Variants in MDN1 observed in about 807,000 individuals in gnomAD.
MDN1 encodes the protein midasin.
In MDN1, 266 loss-of-function variants were observed where a neutral mutation model predicts 669.2. The ratio of observed to expected loss-of-function variants is 0.40; its 90% CI spans 0.36 to 0.44. The LOEUF is 0.44. Ranked by LOEUF, MDN1 falls within the 20% of genes least tolerant of loss-of-function variation. MDN1 has a pLI of 1.00. For missense variants in MDN1, 5,940 were observed against 6,754.0 expected (o/e 0.88, Z 4.22); for synonymous variants, 2,385 against 2,457.1 (o/e 0.97, Z 0.87).
intron 33 of MDN1, among the ~76,000 whole-genome samples, chr6:89,737,728 T>G (rs971181649): frequency 6.6e-6 from 1 of 150,598 alleles, no homozygotes; most frequent in African/African-American, 2.4e-5. Context: ...GCCTAATTTT[T>G]TTTTTTTTTT....
In MDN1 at chr6:89,725,318, A is replaced by C. The variant is rs747212667; in HGVS notation, c.5551T>G (p.Leu1851Val). The C allele has an allele frequency of 5.6e-6, 9 of 1,613,328 alleles. No homozygotes were observed. Among genetic ancestry groups the C allele is most frequent in the Non-Finnish European group, 7.6e-6 (9 of 1,179,818 alleles). ...DHRGEIYVPE[L>V]GMSFQVQHEK... Reference sequence around the variant, plus strand: ...TGCTGCACTTGAAAGCTCATTCCTAACTCAGGCACATAGATTTCTCCTCGG... The same window carrying C: ...TGCTGCACTTGAAAGCTCATTCCTACCTCAGGCACATAGATTTCTCCTCGG... The change falls in exon 38 of 102, where the codon TTA (leucine) becomes GTA (valine). Residue 1851 changes from leucine to valine, a missense_variant. Leu to Val is a conservative substitution (Grantham distance 32). Transcript: ENST00000369393.
intron 94 of MDN1, among the ~76,000 whole-genome samples, chr6:89,652,665 A>G (rs1421982048): frequency 6.6e-6 from 1 of 152,218 alleles, no homozygotes; most frequent in Non-Finnish European, 1.5e-5. Flanking sequence ...TTACTTAACC[A>G]TCACAAACCT....
intron 15 of MDN1, among the ~76,000 whole-genome samples, chr6:89,763,411 G>A (rs1817655053): frequency 1.3e-5 from 2 of 150,846 alleles, no homozygotes; most frequent in Non-Finnish European, 3.0e-5. Flanking sequence ...GTACTTCTTA[G>A]TATTTAGATT....
intron 53 of MDN1, among the ~76,000 whole-genome samples, chr6:89,703,022 G>A (rs1206320666): frequency 1.3e-5 from 2 of 150,298 alleles, no homozygotes; most frequent in African/African-American, 2.5e-5. Flanking sequence ...TGCAACCTCC[G>A]CTTCCCAGGT....
intron 9 of MDN1, among the ~76,000 whole-genome samples, chr6:89,784,800 G>A (rs1342500617): frequency 6.6e-6 from 1 of 152,114 alleles, no homozygotes; most frequent in East Asian, 1.9e-4. Flanking sequence ...ATATGAAAAT[G>A]CCATTAAATT....
chr6:89,755,882 T>A lies in MDN1; in HGVS notation c.2816+395A>T, dbSNP rs186663647. On this transcript the variant is annotated intron_variant, in intron 20 of 101. Coordinates refer to ENST00000369393, the MANE Select transcript of MDN1 (RefSeq NM_014611.3). ...TTAATTCCAAACCTGACACAATCAA[T>A]TATATTAACCCTTTTCTCCTTACAT... 2.2e-4 allele frequency among the ~76,000 whole-genome samples: 33 copies of A among 152,342 alleles called. No individual in the cohort carries two copies. In the East Asian group the frequency reaches 6.2e-3, roughly 28 times the overall value.
chr6:89,781,317 C>T lies in MDN1; in HGVS notation c.1643+82G>A, dbSNP rs1384568956. The T allele has an allele frequency of 2.8e-6, 4 of 1,434,824 alleles. No individual in the cohort carries two copies. In the South Asian group the frequency reaches 4.6e-5, roughly 17 times the overall value. The allele number at this position is 1,434,824 out of a possible 1,614,324, so 88.9% of individuals were successfully genotyped here. A position where few individuals can be genotyped will look rare whatever the true frequency, so the allele number is the denominator to read the frequency against. ...AGTGAGCCAAAACTGCACCACTGCA[C>T]TCCAGCCTGGGTAACAGAGCAGGAA... On this transcript the variant is annotated intron_variant, in intron 10 of 101. Transcript: ENST00000369393.
chr6:89,701,598 TTTA>T lies in MDN1; in HGVS notation c.8384_8386del (p.Ile2795del). ...TCGTCCCAGGAACTTCTGCAACTTC[TTTA>T]TACCAGCGAAGCCACCAGTCTGGCT... On this transcript the variant is annotated inframe_deletion, in exon 55 of 102. Coordinates refer to ENST00000369393, the MANE Select transcript of MDN1 (RefSeq NM_014611.3). The T allele has an allele frequency of 6.2e-7, 1 of 1,614,216 alleles. No homozygotes were observed. Among genetic ancestry groups the T allele is most frequent in the Non-Finnish European group, 8.5e-7 (1 of 1,180,030 alleles).
rs1180617865 is a variant in MDN1 at position 89,696,064 on chromosome 6, T to C, written c.9384-72A>G. The C allele has an allele frequency of 2.7e-6, 4 of 1,502,924 alleles. No individual in the cohort carries two copies. In the Admixed American group the frequency reaches 6.4e-5, roughly 24 times the overall value. 93.1% of individuals were successfully genotyped at this position (1,502,924 alleles called of 1,614,324 possible). On this transcript the variant is annotated intron_variant, in intron 60 of 101. Transcript: ENST00000369393. ...AAGCATTCCTTTTCATACAGTATAA[T>C]TCTCTCAAGAAATGATAACCACAGA...
At chr6:89,687,974 TC>T (rs1160247066) in intron 67 of MDN1, 103 bp downstream of exon 67, 1 of 1,058,954 alleles carries the variant, frequency 9.4e-7, no homozygotes, top group Non-Finnish European at 1.5e-6. Flanking sequence ...TTTACCTTTT[TC>T]TAGCCCAAAC....
chr6:89,812,275 C>T (rs926906193), intron 1 of MDN1, among the ~76,000 whole-genome samples: 15 of 151,918 alleles, frequency 9.9e-5, no homozygotes, highest in Admixed American at 3.9e-4. Flanking sequence ...TGAGCCACCG[C>T]GCCCAGCCAA....
intron 2 of MDN1, among the ~76,000 whole-genome samples, chr6:89,800,195 A>G (rs1403764625): frequency 1.3e-5 from 2 of 152,146 alleles, no homozygotes; most frequent in African/African-American, 4.8e-5. Context: ...TGGGAGGCCT[A>G]GGAGGGCAGA....
rs2128307406 is a variant in MDN1, at chr6:89,686,963, G to A, written c.11511C>T (p.His3837=). The A allele has an allele frequency of 3.1e-6, 5 of 1,613,970 alleles. No homozygotes were observed. The highest frequency in any genetic ancestry group is 4.2e-6 in the Non-Finnish European group (5 of 1,179,992). Residue 3837 remains histidine, a synonymous_variant, in exon 69 of 102, where the codon CAC becomes CAT. Transcript: ENST00000369393. Reference sequence around the variant, plus strand: ...CAAGCATCTGATAGATGGAGAACCAGTGCTTGGTGGATTTCTCGGTGTGGC... The same window carrying A: ...CAAGCATCTGATAGATGGAGAACCAATGCTTGGTGGATTTCTCGGTGTGGC... ...MKRHTEKSTK[H]WFSIYQMLEK...
intron 32 of MDN1, among the ~76,000 whole-genome samples, 178 bp from the exon 33 acceptor site, chr6:89,738,633 C>T (rs559244521): frequency 6.6e-6 from 1 of 152,284 alleles, no homozygotes; most frequent in South Asian, 2.1e-4. Flanking sequence ...TCCTTATATT[C>T]CATGACACCT....
intron 66 of MDN1, 45 bp from the exon 67 acceptor site, chr6:89,688,218 T>C (rs546189271): frequency 1.3e-6 from 2 of 1,537,722 alleles, no homozygotes; most frequent in Admixed American, 1.7e-5. Context: ...ATACCAGTGA[T>C]CCTAAGTCAC....
At chr6:89,680,818 A>G (rs1348973934) in intron 73 of MDN1, 67 bp from the exon 74 acceptor site, 1 of 1,534,966 alleles carries the variant, frequency 6.5e-7, no homozygotes, top group Non-Finnish European at 8.8e-7. Flanking sequence ...CAAGGGAACT[A>G]AATTTAACTG....
At chr6:89,701,438 T>C (rs1282806213) in intron 55 of MDN1, 120 bp downstream of exon 55, 3 of 1,332,186 alleles carry the variant, frequency 2.3e-6, no homozygotes, top group Non-Finnish European at 3.1e-6. Flanking sequence ...AAAGGAAAAC[T>C]GCAAGAGTTA....
At chr6:89,672,494 A>C in intron 81 of MDN1, 53 bp downstream of exon 81, 1 of 1,597,824 alleles carries the variant, frequency 6.3e-7, no homozygotes, top group Middle Eastern at 1.7e-4. Context: ...AAATCATCAA[A>C]TACAAAAATT....
intron 15 of MDN1, among the ~76,000 whole-genome samples, chr6:89,765,679 T>C (rs1367146361): frequency 6.6e-6 from 1 of 152,124 alleles, no homozygotes; most frequent in Non-Finnish European, 1.5e-5. Context: ...AGCAGAGTAA[T>C]GGTTAAGAAC....
Sources: allele counts gnomAD v4.1 joint callset (sites outside exome capture counted in the v4.1 genomes callset), GRCh38; gene constraint gnomAD v4.1.1; transcripts MANE v1.5; gene names NCBI Gene and HGNC (gene_info 2026-07-23, HGNC 2026-07-21).